Variants in CMTM7 observed in about 807,000 individuals in gnomAD.
CMTM7 encodes the protein CKLF-like MARVEL transmembrane domain-containing protein 7.
In CMTM7, 7 loss-of-function variants were observed where a neutral mutation model predicts 19.3. The observed-to-expected ratio is 0.36, with a 90% CI of 0.21 to 0.68. CMTM7 has a LOEUF of 0.68. Ranked by LOEUF, CMTM7 falls within the 30% of genes least tolerant of loss-of-function variation. The pLI is 0.60. For missense variants in CMTM7, 193 were observed against 232.6 expected, an observed-to-expected ratio of 0.83 and a Z score of 1.11; for synonymous variants, 87 against 99.3, an observed-to-expected ratio of 0.88 and a Z score of 0.74.
At chr3:32,426,560 C>T (rs1559408969) in intron 1 of CMTM7, among the ~76,000 whole-genome samples, 1 of 151,698 alleles carries the variant, frequency 6.6e-6, no homozygotes, top group East Asian at 1.9e-4. Context: ...ATTAGGGTGG[C>T]GGAAGGGGTG....
intron 1 of CMTM7, among the ~76,000 whole-genome samples, chr3:32,393,133 G>T (rs1159953548): frequency 6.6e-6 from 1 of 152,116 alleles, no homozygotes; most frequent in Non-Finnish European, 1.5e-5. Flanking sequence ...CAGGGGGTTG[G>T]GCACAGGACG....
chr3:32,414,744 TGA>T (rs1319802116), intron 1 of CMTM7, among the ~76,000 whole-genome samples: 1 of 152,180 alleles, frequency 6.6e-6, no homozygotes, highest in African/African-American at 2.4e-5. Context: ...AGGGACCCAG[TGA>T]GAGTTTTACT....
intron 1 of CMTM7, among the ~76,000 whole-genome samples, chr3:32,434,363 C>T (rs1277989554): frequency 6.6e-6 from 1 of 152,166 alleles, no homozygotes; most frequent in Non-Finnish European, 1.5e-5. Flanking sequence ...GTGGCCCAAT[C>T]ACAGCTTACT....
chr3:32,417,242 C>G (rs1443671633), intron 1 of CMTM7, among the ~76,000 whole-genome samples: 1 of 152,226 alleles, frequency 6.6e-6, no homozygotes, highest in African/African-American at 2.4e-5. Context: ...CTTTCCCCAC[C>G]TTGTAACTCC....
intron 1 of CMTM7, among the ~76,000 whole-genome samples, chr3:32,394,691 CA>C (rs1216510977): frequency 6.6e-6 from 1 of 152,052 alleles, no homozygotes; most frequent in African/African-American, 2.4e-5. Flanking sequence ...GACTTTAAAG[CA>C]CTCTTTTTTT....
chr3:32,445,742 T>C (rs1261345278), intron 2 of CMTM7, among the ~76,000 whole-genome samples: 1 of 152,014 alleles, frequency 6.6e-6, no homozygotes, highest in African/African-American at 2.4e-5. Flanking sequence ...TCTTGAACTC[T>C]TGGGCTCAAG....
At position 32,449,864 on chromosome 3, in the gene CMTM7, G is replaced by A. The variant is rs1696805307; in HGVS notation, c.432+312G>A. On this transcript the variant is annotated intron_variant, in intron 3 of 4. Coordinates refer to ENST00000334983, the MANE Select transcript of CMTM7 (RefSeq NM_138410.4). This position sits in a 1 kb window ranked among gnomAD's most constrained non-coding sequence, Gnocchi z 4.5. ...CACCCACTCTGATCATTTGCTCGTT[G>A]GCTGCCTCAGCACTATGCAGAGACA... is the stretch of plus-strand genomic sequence containing the variant. Among the ~76,000 whole-genome samples, 1 of 152,128 alleles carries A rather than the reference G, an allele frequency of 6.6e-6. No homozygotes were observed. Among genetic ancestry groups the A allele is most frequent in the South Asian group, 2.1e-4 (1 of 4,826 alleles).
intron 1 of CMTM7, among the ~76,000 whole-genome samples, chr3:32,416,220 C>CA (rs1348090313): frequency 7.2e-6 from 1 of 139,192 alleles, no homozygotes; most frequent in Non-Finnish European, 1.6e-5. Flanking sequence ...GTTTTTGAGA[C>CA]AGAGTCTTGC....
At chr3:32,401,309 A>G (rs2125619858) in intron 1 of CMTM7, among the ~76,000 whole-genome samples, 1 of 152,320 alleles carries the variant, frequency 6.6e-6, no homozygotes, top group Middle Eastern at 3.4e-3. Context: ...GGACACCTCA[A>G]ATAACCACTT....
intron 1 of CMTM7, among the ~76,000 whole-genome samples, chr3:32,430,681 ATGTGTGTG>A (rs35054129): frequency 3.7e-5 from 5 of 133,926 alleles, no homozygotes; most frequent in Admixed American, 1.5e-4. Context: ...CTACATCTGA[ATGTGTGTG>A]TGTGTGTGTG....
intron 1 of CMTM7, among the ~76,000 whole-genome samples, chr3:32,396,222 G>A (rs1441427473): frequency 6.6e-6 from 1 of 152,022 alleles, no homozygotes; most frequent in African/African-American, 2.4e-5. Context: ...AATTGGTGAT[G>A]GTGCCAGGTG....
Position 32,449,532 on chromosome 3 carries a change from A to C in CMTM7, c.412A>C (p.Ser138Arg), listed in dbSNP as rs780093363. 1 of 1,613,824 alleles carries C rather than the reference A, an allele frequency of 6.2e-7. No homozygotes were observed. Among genetic ancestry groups the C allele is most frequent in the Non-Finnish European group, 8.5e-7 (1 of 1,179,700 alleles). The change falls in exon 3 of 5, where the codon AGC (serine) becomes CGC (arginine). Residue 138 changes from serine to arginine, a missense_variant. By Grantham distance (110) the Ser-to-Arg change is moderately radical. Coordinates refer to ENST00000334983, the MANE Select transcript of CMTM7 (RefSeq NM_138410.4). This position sits in a 1 kb window ranked among gnomAD's most constrained non-coding sequence, Gnocchi z 4.5. ...IVAASKSYNQSGLVAGAIFGF... is the reference protein window; with the variant it reads ...IVAASKSYNQRGLVAGAIFGF... The stretch of plus-strand genomic sequence containing the variant: ...GGCAGCTTCCAAGAGTTACAACCAG[A>C]GCGGACTGGTAGCCGGAGCGGTGAG...
chr3:32,432,150 G>T (rs994333493), intron 1 of CMTM7, among the ~76,000 whole-genome samples: 3 of 152,238 alleles, frequency 2.0e-5, no homozygotes, highest in African/African-American at 7.2e-5. Flanking sequence ...CAAGTGACCT[G>T]CCCTTGGTTC....
intron 1 of CMTM7, among the ~76,000 whole-genome samples, chr3:32,392,614 G>C (rs1438921999): frequency 6.6e-6 from 1 of 152,202 alleles, no homozygotes; most frequent in Non-Finnish European, 1.5e-5. Flanking sequence ...AAAGAACTGG[G>C]ACCGTTGAGA....
chr3:32,408,854 T>C (rs1314263451), intron 1 of CMTM7, among the ~76,000 whole-genome samples: 1 of 122,860 alleles, frequency 8.1e-6, no homozygotes, highest in Admixed American at 8.4e-5. Context: ...AAGTATCAGA[T>C]GATTTTAAGT....
At chr3:32,426,199 T>A (rs1696430301) in intron 1 of CMTM7, among the ~76,000 whole-genome samples, 1 of 152,110 alleles carries the variant, frequency 6.6e-6, no homozygotes, top group Non-Finnish European at 1.5e-5. Context: ...CAAACTAGAA[T>A]ATCTGCTCCC....
chr3:32,430,714 T>TGA lies in CMTM7; in HGVS notation c.160-11125_160-11124dup, dbSNP rs1553612190. On this transcript the variant is annotated intron_variant, in intron 1 of 4. Transcript: ENST00000334983. ...GTGTGTGTGTGTGTGTGTGTGTGTG[T>TGA]GACACAGCTCTCCTGATGACCCTTT... Among the ~76,000 whole-genome samples, 781 of 149,692 alleles carry TGA rather than the reference T, an allele frequency of 5.2e-3. 13 individuals are homozygous for TGA. The highest frequency in any genetic ancestry group is 0.018 in the African/African-American group (736 of 40,468).
At chr3:32,412,171 G>A (rs1009996914) in intron 1 of CMTM7, among the ~76,000 whole-genome samples, 8 of 151,834 alleles carry the variant, frequency 5.3e-5, no homozygotes, top group Non-Finnish European at 1.0e-4. Flanking sequence ...CAGTGGGCAT[G>A]TTAATATACC....
intron 1 of CMTM7, among the ~76,000 whole-genome samples, chr3:32,434,888 C>T (rs1696573548): frequency 6.6e-6 from 1 of 152,074 alleles, no homozygotes; most frequent in Non-Finnish European, 1.5e-5. Flanking sequence ...AGCCAATAAA[C>T]ATATGAAAAG....
Sources: gnomAD v4.1 joint callset for allele counts (sites outside exome capture counted in the v4.1 genomes callset) on GRCh38, gnomAD v4.1.1 for gene constraint, Gnocchi (gnomAD v3.1) non-coding constraint, MANE v1.5 for transcripts, NCBI Gene and HGNC (gene_info 2026-07-23, HGNC 2026-07-21) for gene names.